The following CSNK1G3 variants were observed in gnomAD, a reference collection of about 807,000 sequenced individuals.
The protein encoded by CSNK1G3 is casein kinase 1 gamma 3, also known as casein kinase I isoform gamma-3.
A neutral mutation model predicts 64.3 loss-of-function variants in CSNK1G3; 23 were observed. That is an observed-to-expected ratio of 0.36 (90% CI 0.26 to 0.51). The LOEUF is 0.51. Ranked by LOEUF, CSNK1G3 falls within the 20% of genes least tolerant of loss-of-function variation. The probability of loss-of-function intolerance (pLI) is 0.96; values close to 1 mark genes in which losing one functional copy is unlikely to be tolerated. For synonymous variants in CSNK1G3, 158 were observed against 162.2 expected, an observed-to-expected ratio of 0.97 and a Z score of 0.20; for missense variants, 357 against 510.5, an observed-to-expected ratio of 0.70 and a Z score of 2.90.
intron 6 of CSNK1G3, among the ~76,000 whole-genome samples, chr5:123,582,781 A>G (rs1241304817): frequency 6.6e-6 from 1 of 152,134 alleles, no homozygotes; most frequent in African/African-American, 2.4e-5. Flanking sequence ...TTTCATGTAA[A>G]AGAACTGTTA....
At chr5:123,596,973 G>A (rs7703507) in intron 10 of CSNK1G3, among the ~76,000 whole-genome samples, 91,612 of 151,854 alleles carry the variant, frequency 0.6, 28,902 homozygotes, top group African/African-American at 0.79. Flanking sequence ...AATTTGTAAT[G>A]TGACCCTTGT....
chr5:123,583,204 A>AT (rs1790647903), intron 6 of CSNK1G3, among the ~76,000 whole-genome samples: 2 of 152,188 alleles, frequency 1.3e-5, no homozygotes, highest in African/African-American at 4.8e-5. Flanking sequence ...CATGTATAGT[A>AT]TTTTAAGTTT....
In CSNK1G3 at chr5:123,526,840, T is replaced by TTGTGTGTG. The variant is rs34275675; in HGVS notation, c.-248+14304_-248+14311dup. ...AAGAAATGTTTCATTCATGTACAGA[T>TTGTGTGTG]TGTGTGTGTGTGTGTGTGTGTGTGT... On this transcript the variant is annotated intron_variant, in intron 1 of 12. Coordinates refer to ENST00000345990, the Ensembl canonical transcript of CSNK1G3. 5.6e-3 allele frequency among the ~76,000 whole-genome samples: 707 copies of TTGTGTGTG among 126,728 alleles called. 6 individuals carry two copies. Among genetic ancestry groups the TTGTGTGTG allele is most frequent in the African/African-American group, 0.013 (430 of 32,308 alleles). 83.1% of individuals were successfully genotyped at this position (126,728 alleles called of 152,430 possible). A position where few individuals can be genotyped will look rare whatever the true frequency, so the allele number is the denominator to read the frequency against.
chr5:123,524,777 CTTGTT>C (rs1778738481), intron 1 of CSNK1G3, among the ~76,000 whole-genome samples: 1 of 152,114 alleles, frequency 6.6e-6, no homozygotes, highest in African/African-American at 2.4e-5. Flanking sequence ...TGAAGAGGAC[CTTGTT>C]TTAAGGGAAT....
intron 1 of CSNK1G3, among the ~76,000 whole-genome samples, chr5:123,513,066 G>A (rs2149848329): frequency 6.6e-6 from 1 of 152,264 alleles, no homozygotes; most frequent in South Asian, 2.1e-4. Flanking sequence ...GTTCAGCTCA[G>A]GGATAAACTT....
Position 123,595,759 on chromosome 5 carries a change from T to A in CSNK1G3, c.1086+4345T>A, listed in dbSNP as rs184045503. Among the ~76,000 whole-genome samples the A allele has an allele frequency of 2.0e-5, 3 of 152,204 alleles. No homozygotes were observed. The East Asian group carries it at 5.8e-4, about 29-fold the overall frequency. On this transcript the variant is annotated intron_variant, in intron 10 of 12. Coordinates refer to ENST00000345990, the Ensembl canonical transcript of CSNK1G3. ...TATTTATGATTTGTTTCTTTTCACC[T>A]TTTTTATACACTTAGAGACCGCTAC...
intron 10 of CSNK1G3, chr5:123,595,072 C>T (rs1265843318): frequency 1.2e-6 from 2 of 1,613,624 alleles, no homozygotes; most frequent in Admixed American, 1.7e-5. Context: ...GGACTCCCAG[C>T]AGGCAAATCC....
rs1238856809 is a variant in CSNK1G3, at chr5:123,529,714, GA to G, written c.-247-15701del. Among the ~76,000 whole-genome samples, 15 of 152,284 alleles carry G rather than the reference GA, an allele frequency of 9.9e-5. No individual in the cohort carries two copies. The East Asian group carries it at 1.5e-3, about 16-fold the overall frequency. ...ACCTGCTCACGGAGGTTGGTATGGT[GA>G]ATATTTCGGTAATAAAAATTTAGCA... On this transcript the variant is annotated intron_variant, in intron 1 of 12. Coordinates refer to ENST00000345990, the Ensembl canonical transcript of CSNK1G3.
chr5:123,565,462 T>A (rs183658835), intron 4 of CSNK1G3, among the ~76,000 whole-genome samples: 6 of 152,342 alleles, frequency 3.9e-5, no homozygotes, highest in Non-Finnish European at 8.8e-5. Context: ...GTGATAATTC[T>A]GTACTTAGCA....
intron 9 of CSNK1G3, 48 bp downstream of exon 9, chr5:123,590,606 T>C: frequency 8.8e-7 from 1 of 1,134,754 alleles, no homozygotes; most frequent in Non-Finnish European, 1.2e-6. Context: ...CTGTTGCCTT[T>C]TTAATAGTAC....
chr5:123,544,973 A>G (rs914025892), intron 1 of CSNK1G3, among the ~76,000 whole-genome samples: 14 of 100,566 alleles, frequency 1.4e-4, no homozygotes, highest in Admixed American at 6.7e-4. Context: ...TTTAAAAAAG[A>G]CTTTGAAAAT....
At chr5:123,595,442 A>G (rs1793244739) in intron 10 of CSNK1G3, among the ~76,000 whole-genome samples, 1 of 152,144 alleles carries the variant, frequency 6.6e-6, no homozygotes, top group East Asian at 1.9e-4. Flanking sequence ...TTGACTTTCC[A>G]ATAATAAGAT....
At chr5:123,566,464 A>G (rs957006712) in intron 4 of CSNK1G3, among the ~76,000 whole-genome samples, 1 of 152,192 alleles carries the variant, frequency 6.6e-6, no homozygotes, top group African/African-American at 2.4e-5. Flanking sequence ...TTATAATTGA[A>G]AATTCACCAG....
At chr5:123,535,676 A>G (rs1212405874) in intron 1 of CSNK1G3, among the ~76,000 whole-genome samples, 1 of 152,148 alleles carries the variant, frequency 6.6e-6, no homozygotes, top group Admixed American at 6.6e-5. Flanking sequence ...TGTCATCTAC[A>G]TCTTTTATTA....
chr5:123,604,063 A>G (rs146707674), intron 10 of CSNK1G3, among the ~76,000 whole-genome samples: 1 of 152,258 alleles, frequency 6.6e-6, no homozygotes, highest in Non-Finnish European at 1.5e-5. Flanking sequence ...TCTTAATCAC[A>G]TAAGAGATCA....
intron 1 of CSNK1G3, among the ~76,000 whole-genome samples, chr5:123,512,987 A>G (rs1314068370): frequency 6.6e-6 from 1 of 151,604 alleles, no homozygotes; most frequent in Non-Finnish European, 1.5e-5. Flanking sequence ...CCAGACAATT[A>G]CCTTTGGAGT....
At chr5:123,541,693 A>G (rs1004439231) in intron 1 of CSNK1G3, among the ~76,000 whole-genome samples, 2 of 152,154 alleles carry the variant, frequency 1.3e-5, no homozygotes, top group Non-Finnish European at 2.9e-5. Context: ...CTGCCTCCCA[A>G]AGTGCTGGGA....
chr5:123,591,038 G>GGTATTTTCATT (rs1453703141), intron 9 of CSNK1G3, among the ~76,000 whole-genome samples: 2 of 151,980 alleles, frequency 1.3e-5, no homozygotes, highest in African/African-American at 4.8e-5. Context: ...ATATGAAAAT[G>GGTATTTTCATT]TAGCCTAAAA....
intron 1 of CSNK1G3, among the ~76,000 whole-genome samples, chr5:123,524,309 T>G (rs1778658226): frequency 6.6e-6 from 1 of 152,226 alleles, no homozygotes. Context: ...CGGAAAATGT[T>G]TTGGGTAACT....
Sources: gnomAD v4.1 joint callset for allele counts (sites outside exome capture counted in the v4.1 genomes callset) on GRCh38, gnomAD v4.1.1 for gene constraint, MANE v1.5 for transcripts, NCBI Gene and HGNC (gene_info 2026-07-23, HGNC 2026-07-21) for gene names.